The following SEMA3A variants were observed in gnomAD, a reference collection of about 807,000 sequenced individuals.
SEMA3A encodes the protein semaphorin 3A.
SEMA3A carries 29 observed loss-of-function variants against 97.9 expected under a neutral mutation model. The observed-to-expected ratio is 0.30, with a 90% CI of 0.22 to 0.40. SEMA3A has a LOEUF of 0.40. SEMA3A is among the 10% of genes least tolerant of loss of function. The pLI is 1.00. For synonymous variants in SEMA3A, 321 were observed against 323.7 expected, an observed-to-expected ratio of 0.99 and a Z score of 0.09; for missense variants, 763 against 951.3, an observed-to-expected ratio of 0.80 and a Z score of 2.60.
chr7:84,045,910 A>G (rs953894458), intron 6 of SEMA3A, among the ~76,000 whole-genome samples: 1 of 151,502 alleles, frequency 6.6e-6, no homozygotes, highest in Non-Finnish European at 1.5e-5. Flanking sequence ...ATAACATTCA[A>G]TTTTTGACAT....
chr7:83,971,441 A>C (rs1315431311), intron 15 of SEMA3A, among the ~76,000 whole-genome samples: 2 of 152,242 alleles, frequency 1.3e-5, no homozygotes, highest in African/African-American at 4.8e-5. Flanking sequence ...AAAAAAAAAA[A>C]AAAAACCTAA....
chr7:84,168,463 G>A (rs901799992), intron 1 of SEMA3A, among the ~76,000 whole-genome samples: 3 of 151,786 alleles, frequency 2.0e-5, no homozygotes, highest in Non-Finnish European at 4.4e-5. Context: ...CTTTTTACAT[G>A]AAAAACAGCT....
At chr7:84,351,399 C>T (rs1802435367) in intron 2 of SEMA3A, among the ~76,000 whole-genome samples, 1 of 151,996 alleles carries the variant, frequency 6.6e-6, no homozygotes, top group Non-Finnish European at 1.5e-5. Flanking sequence ...TGATCTTTAA[C>T]TCATCATGAT....
In SEMA3A at chr7:83,979,158, G is replaced by A. The variant is rs1435242029; in HGVS notation, c.1653-1962C>T. On this transcript the variant is annotated intron_variant, in intron 14 of 16. Transcript: ENST00000265362. ...CTTTTTTTTTTTTTTTTTCGAGACA[G>A]AGTCTTGCTTTGTCACCCAGGCTGG... 4.2e-5 allele frequency among the ~76,000 whole-genome samples: 6 copies of A among 141,576 alleles called. No individual in the cohort carries two copies. In the Admixed American group the frequency reaches 4.3e-4, roughly 10 times the overall value. 92.9% of individuals were successfully genotyped at this position (141,576 alleles called of 152,430 possible).
At chr7:84,231,000 C>T (rs745687849) in intron 3 of SEMA3A, among the ~76,000 whole-genome samples, 6 of 151,894 alleles carry the variant, frequency 4.0e-5, no homozygotes, top group Non-Finnish European at 7.4e-5. Flanking sequence ...TATGCACAAT[C>T]ATTTGGGCTG....
At chr7:84,291,892 A>C (rs764688253) in intron 3 of SEMA3A, among the ~76,000 whole-genome samples, 4 of 152,086 alleles carry the variant, frequency 2.6e-5, no homozygotes, top group Non-Finnish European at 4.4e-5. Flanking sequence ...AAGAAATATC[A>C]AGCAAAACCC....
intron 2 of SEMA3A, among the ~76,000 whole-genome samples, chr7:84,353,756 G>T (rs1020154103): frequency 1.3e-5 from 2 of 151,530 alleles, no homozygotes; most frequent in African/African-American, 4.8e-5. Context: ...AGTATATTTT[G>T]GGGGGAGGAT....
chr7:83,975,645 A>G (rs71557199), intron 15 of SEMA3A, among the ~76,000 whole-genome samples: 23,740 of 152,082 alleles, frequency 0.16, 2,160 homozygotes, highest in Non-Finnish European at 0.21. Context: ...CAACAAGCAA[A>G]ATAATGTTTC....
chr7:84,155,433 A>T (rs1187507556), intron 1 of SEMA3A, among the ~76,000 whole-genome samples: 1 of 152,148 alleles, frequency 6.6e-6, no homozygotes, highest in African/African-American at 2.4e-5. Context: ...TGCTTTGGGC[A>T]GGTATGCTTC....
chr7:83,970,846 G>A (rs1486910643), intron 15 of SEMA3A, among the ~76,000 whole-genome samples: 1 of 152,094 alleles, frequency 6.6e-6, no homozygotes, highest in Non-Finnish European at 1.5e-5. Flanking sequence ...GAAAGGAAAT[G>A]TTGCCCATAA....
intron 6 of SEMA3A, among the ~76,000 whole-genome samples, chr7:84,044,931 A>G (rs1792290401): frequency 6.6e-6 from 1 of 152,092 alleles, no homozygotes; most frequent in South Asian, 2.1e-4. Context: ...GGAGGCAGGG[A>G]GCATGCCTTT....
At position 84,299,897 on chromosome 7, in the gene SEMA3A, C is replaced by T. The variant is rs761582001; in HGVS notation, c.-83+7310G>A. Among the ~76,000 whole-genome samples, 10 of 132,466 alleles carry T rather than the reference C, an allele frequency of 7.5e-5. No individual in the cohort carries two copies. In the South Asian group the frequency reaches 1.5e-3, roughly 20 times the overall value. The allele number at this position is 132,466 out of a possible 152,430, so 86.9% of individuals were successfully genotyped here. ...ATACAAAAAAATTAACCAGGCATGG[C>T]GGCAGATGCCTGTAATCCCAGCTGC... is the stretch of plus-strand genomic sequence containing the variant. On this transcript the variant is annotated intron_variant, in intron 3 of 3. Transcript: ENST00000424555.
intron 3 of SEMA3A, among the ~76,000 whole-genome samples, chr7:84,225,729 C>T (rs1224356547): frequency 6.6e-6 from 1 of 151,988 alleles, no homozygotes; most frequent in Non-Finnish European, 1.5e-5. Context: ...ATGTGCTCTA[C>T]CTTGTGGAGA....
intron 3 of SEMA3A, among the ~76,000 whole-genome samples, chr7:84,287,213 T>C (rs1800611866): frequency 6.6e-6 from 1 of 152,126 alleles, no homozygotes; most frequent in Non-Finnish European, 1.5e-5. Flanking sequence ...TTTCAAGCTT[T>C]ATTGAGGTAT....
intron 1 of SEMA3A, among the ~76,000 whole-genome samples, chr7:84,487,855 T>C (rs141769363): frequency 0.027 from 4,116 of 152,260 alleles, 61 homozygotes; most frequent in Non-Finnish European, 0.043. Context: ...TATTTAAATA[T>C]CTTTTATACA....
chr7:84,107,980 A>G (rs982935635), intron 4 of SEMA3A, among the ~76,000 whole-genome samples: 11 of 152,154 alleles, frequency 7.2e-5, no homozygotes, highest in African/African-American at 2.7e-4. Flanking sequence ...AATTGCTAGC[A>G]AGCAAAACAG....
intron 3 of SEMA3A, among the ~76,000 whole-genome samples, chr7:84,299,288 C>A (rs2372168): frequency 0.25 from 31,252 of 126,352 alleles, 4,901 homozygotes; most frequent in East Asian, 0.56. Context: ...ATATATATAT[C>A]TATCTCCATA....
chr7:84,129,049 G>T, intron 3 of SEMA3A, 74 bp downstream of exon 3: 1 of 1,169,276 alleles, frequency 8.6e-7, no homozygotes, highest in Non-Finnish European at 1.3e-6. Flanking sequence ...TCAGAAATTT[G>T]AAACACTTTT....
chr7:84,313,297 T>C (rs1801392283), intron 2 of SEMA3A, among the ~76,000 whole-genome samples: 2 of 141,614 alleles, frequency 1.4e-5, no homozygotes, highest in Admixed American at 7.2e-5. Context: ...GGAAGATGTA[T>C]ATATATGTAT....
Sources: gnomAD v4.1 joint callset for allele counts (sites outside exome capture counted in the v4.1 genomes callset) on GRCh38, gnomAD v4.1.1 for gene constraint, MANE v1.5 for transcripts, NCBI Gene and HGNC (gene_info 2026-07-23, HGNC 2026-07-21) for gene names.